The following ZNF521 variants were observed in gnomAD, a reference collection of about 807,000 sequenced individuals.
The protein encoded by ZNF521 is LYST-interacting protein 3.
In ZNF521, 14 loss-of-function variants were observed where a neutral mutation model predicts 105.5. The observed-to-expected ratio is 0.13, with a 90% CI of 0.09 to 0.21. The LOEUF is 0.21. Among genes scored for constraint, ZNF521 ranks in the 10% least tolerant of loss-of-function variants. The pLI is 1.00. For missense variants in ZNF521, 1,233 were observed against 1,629.7 expected (o/e 0.76, Z 4.19); for synonymous variants, 635 against 606.0 (o/e 1.05, Z -0.70).
intron 4 of ZNF521, among the ~76,000 whole-genome samples, chr18:25,206,678 C>G (rs1382453435): frequency 6.6e-6 from 1 of 152,040 alleles, no homozygotes; most frequent in Non-Finnish European, 1.5e-5. Flanking sequence ...GCAGTTCTTA[C>G]TTTGTTTCTC....
At chr18:25,346,006 T>C (rs1223318729) in intron 2 of ZNF521, among the ~76,000 whole-genome samples, 2 of 152,208 alleles carry the variant, frequency 1.3e-5, no homozygotes, top group African/African-American at 4.8e-5. Flanking sequence ...TGTGTGTGTA[T>C]GTATCTTTTC....
chr18:25,224,612 G>A lies in ZNF521; in HGVS notation c.3306C>T (p.Ser1102=), dbSNP rs550766951. 37 of 1,614,108 alleles carry A rather than the reference G, an allele frequency of 2.3e-5. No homozygotes were observed. The highest frequency in any genetic ancestry group is 3.3e-4 in the Middle Eastern group (2 of 6,062). Residue 1102 remains serine (S), a synonymous_variant, in exon 4 of 8, where the codon AGC becomes AGT. Coordinates refer to ENST00000361524, the MANE Select transcript of ZNF521 (RefSeq NM_015461.3). ...GAGGGACGTTAATGCCTGGGCTGGCGCTCTTACTGAGATTCACGCAGCCGG... is the reference window on the plus strand; with the variant it reads ...GAGGGACGTTAATGCCTGGGCTGGCACTCTTACTGAGATTCACGCAGCCGG... ...LCAGCVNLSK[S]ASPGINVPPG... is the part of the protein sequence containing the mutation.
chr18:25,076,891 T>C (rs1017941673), intron 7 of ZNF521, among the ~76,000 whole-genome samples: 1 of 152,244 alleles, frequency 6.6e-6, no homozygotes, highest in Non-Finnish European at 1.5e-5. Flanking sequence ...GGCCCCCTTA[T>C]AGGGTATAAT....
At chr18:25,347,401 T>C (rs993312941) in intron 2 of ZNF521, among the ~76,000 whole-genome samples, 1 of 152,228 alleles carries the variant, frequency 6.6e-6, no homozygotes, top group African/African-American at 2.4e-5. Flanking sequence ...AGAATTTTGA[T>C]GCTAGGGCTT....
intron 2 of ZNF521, among the ~76,000 whole-genome samples, chr18:25,345,829 T>C (rs571725709): frequency 1.3e-5 from 2 of 152,268 alleles, no homozygotes; most frequent in South Asian, 4.1e-4. Context: ...AGAAGAACAT[T>C]TGCAAGTGTC....
At chr18:25,151,293 CTCA>C (rs2035043699) in intron 5 of ZNF521, among the ~76,000 whole-genome samples, 1 of 152,168 alleles carries the variant, frequency 6.6e-6, no homozygotes, top group Non-Finnish European at 1.5e-5. Flanking sequence ...GGACTCTGTA[CTCA>C]TCATTGAAGA....
chr18:25,068,881 GA>G (rs934581530), intron 7 of ZNF521, among the ~76,000 whole-genome samples: 37 of 152,138 alleles, frequency 2.4e-4, no homozygotes, highest in Non-Finnish European at 1.0e-4. Flanking sequence ...CACCCCTAAG[GA>G]AAATTACTCC....
intron 2 of ZNF521, among the ~76,000 whole-genome samples, chr18:25,346,436 A>G (rs569942203): frequency 4.3e-4 from 65 of 152,276 alleles, no homozygotes; most frequent in African/African-American, 1.5e-3. Context: ...TGGCTTTTCT[A>G]ACACCTACAA....
chr18:25,211,764 T>A (rs1459079633), intron 4 of ZNF521, among the ~76,000 whole-genome samples: 1 of 152,246 alleles, frequency 6.6e-6, no homozygotes, highest in Non-Finnish European at 1.5e-5. Context: ...GTGATTTATA[T>A]TGTGTGGGCT....
At chr18:25,174,758 A>G (rs535004264) in intron 5 of ZNF521, among the ~76,000 whole-genome samples, 1 of 152,268 alleles carries the variant, frequency 6.6e-6, no homozygotes, top group Non-Finnish European at 1.5e-5. Context: ...AACATCTTTC[A>G]CTGCTCTGAC....
chr18:25,242,601 T>C (rs1242512406), intron 3 of ZNF521, among the ~76,000 whole-genome samples: 1 of 152,330 alleles, frequency 6.6e-6, no homozygotes, highest in African/African-American at 2.4e-5. Context: ...ATTATTTAGA[T>C]GTATAAGATT....
intron 5 of ZNF521, 109 bp downstream of exon 5, chr18:25,195,051 G>A (rs898096474): frequency 6.6e-6 from 6 of 902,470 alleles, no homozygotes; most frequent in Non-Finnish European, 1.0e-5. Flanking sequence ...ATCATGCCGA[G>A]GAAAAACAAT....
chr18:25,221,993 TAAAAATGGCGATAGTAACGATGATTA>T (rs1905755323), intron 4 of ZNF521, among the ~76,000 whole-genome samples: 1 of 152,162 alleles, frequency 6.6e-6, no homozygotes, highest in Admixed American at 6.5e-5. Flanking sequence ...ATGATGAATT[TAAAAATGGCGATAGTAACGATGATTA>T]AAATGTTGAA....
intron 3 of ZNF521, among the ~76,000 whole-genome samples, chr18:25,274,207 C>A (rs557748089): frequency 1.6e-4 from 25 of 152,120 alleles, no homozygotes; most frequent in Non-Finnish European, 3.1e-4. Context: ...TAAGGAATTT[C>A]CTTATTCAAG....
intron 3 of ZNF521, among the ~76,000 whole-genome samples, chr18:25,297,499 T>C (rs1267658846): frequency 4.6e-5 from 7 of 152,166 alleles, no homozygotes; most frequent in Admixed American, 3.3e-4. Context: ...TGAAATTTTT[T>C]GACTATAACA....
chr18:25,188,063 G>C (rs2035756481), intron 5 of ZNF521, among the ~76,000 whole-genome samples: 1 of 152,078 alleles, frequency 6.6e-6, no homozygotes, highest in Admixed American at 6.6e-5. Context: ...GAAAAACAGA[G>C]TTGGGGTTAG....
intron 3 of ZNF521, among the ~76,000 whole-genome samples, chr18:25,271,361 C>G (rs1214676132): frequency 2.6e-5 from 4 of 152,132 alleles, no homozygotes; most frequent in African/African-American, 9.7e-5. Flanking sequence ...TTTACAGATT[C>G]AATGCTATCC....
At chr18:25,267,899 C>A (rs934472357) in intron 3 of ZNF521, among the ~76,000 whole-genome samples, 1 of 152,118 alleles carries the variant, frequency 6.6e-6, no homozygotes, top group South Asian at 2.1e-4. Context: ...AACTCCTCAC[C>A]AGCAAGGGAA....
intron 4 of ZNF521, among the ~76,000 whole-genome samples, chr18:25,219,426 T>C (rs1372427719): frequency 6.6e-6 from 1 of 152,228 alleles, no homozygotes; most frequent in African/African-American, 2.4e-5. Flanking sequence ...TGCTGAGTTC[T>C]ATTTGGGACC....
Sources: allele counts gnomAD v4.1 joint callset (sites outside exome capture counted in the v4.1 genomes callset), GRCh38; gene constraint gnomAD v4.1.1; transcripts MANE v1.5; gene names NCBI Gene and HGNC (gene_info 2026-07-23, HGNC 2026-07-21).